Variants in DSC3 observed in about 807,000 individuals in gnomAD.
DSC3 encodes the protein desmocollin 3.
DSC3 carries 97 observed loss-of-function variants against 89.5 expected under a neutral mutation model. The observed-to-expected ratio is 1.08, with a 90% confidence interval of 0.92 to 1.28. The LOEUF is 1.28. Ranked by LOEUF, DSC3 falls within the 50% of genes most tolerant of loss-of-function variation. The pLI is 0.00. For synonymous variants in DSC3, 436 were observed against 384.1 expected, an observed-to-expected ratio of 1.14 and a Z score of -1.58; for missense variants, 1,199 against 1,085.3, an observed-to-expected ratio of 1.10 and a Z score of -1.47.
At chr18:31,027,936 G>A (rs973201088) in intron 4 of DSC3, among the ~76,000 whole-genome samples, 5 of 152,058 alleles carry the variant, frequency 3.3e-5, no homozygotes, top group Admixed American at 3.3e-4. Flanking sequence ...CAGAATGATT[G>A]AACTCTAATC....
At chr18:31,032,148 G>A (rs778559005) in intron 2 of DSC3, 44 bp downstream of exon 2, 4 of 1,392,546 alleles carry the variant, frequency 2.9e-6, no homozygotes, top group Non-Finnish European at 4.1e-6. Flanking sequence ...TCCAGCCTAT[G>A]TAAACTAAAT....
At chr18:31,027,666 C>T (rs1419889806) in intron 4 of DSC3, among the ~76,000 whole-genome samples, 1 of 152,064 alleles carries the variant, frequency 6.6e-6, no homozygotes, top group Non-Finnish European at 1.5e-5. Context: ...CCTGACTGTG[C>T]CAGTGGCACT....
intron 13 of DSC3, among the ~76,000 whole-genome samples, chr18:31,001,946 T>TTTTCA (rs1984678933): frequency 6.6e-6 from 1 of 152,134 alleles, no homozygotes; most frequent in Non-Finnish European, 1.5e-5. Flanking sequence ...ATTTTTTCAT[T>TTTTCA]ATATCTCACT....
chr18:31,039,401 T>C (rs951960735), intron 1 of DSC3, among the ~76,000 whole-genome samples: 2 of 152,180 alleles, frequency 1.3e-5, no homozygotes, highest in Non-Finnish European at 2.9e-5. Flanking sequence ...AGAAAAAGAA[T>C]GGAAATTTAT....
rs899487948 is a variant in DSC3, at chr18:30,990,569, C to G, written c.*3606G>C. The G allele has an allele frequency of 6.6e-6, 1 of 152,128 alleles. No individual in the cohort carries two copies. Among genetic ancestry groups the G allele is most frequent in the African/African-American group, 2.4e-5 (1 of 41,426 alleles). The allele number at this position is 152,128 out of a possible 1,614,324, so 9.4% of individuals were successfully genotyped here. On this transcript the variant is annotated 3_prime_UTR_variant, in exon 16 of 16. Transcript: ENST00000360428. ...CTTAACGTTTGTAGGGGAGCACACT[C>G]CTGCATGGGGAAAAGATTCACTGTG...
At chr18:30,996,168 GT>G (rs1403634065) in intron 15 of DSC3, among the ~76,000 whole-genome samples, 1 of 151,772 alleles carries the variant, frequency 6.6e-6, no homozygotes, top group African/African-American at 2.4e-5. Flanking sequence ...GGTGACTATA[GT>G]TAATAATAGT....
rs1985043524 is a variant in DSC3, at chr18:31,011,153, C to T, written c.1264-2628G>A. On this transcript the variant is annotated intron_variant, in intron 9 of 15. Coordinates refer to ENST00000360428, the MANE Select transcript of DSC3 (RefSeq NM_001941.5). ...GTTCAAATTCTGTCTACACTACATC[C>T]TAGCTGTGTGGCATTGGGAAAGTTA... Among the ~76,000 whole-genome samples, 5 of 152,150 alleles carry T rather than the reference C, an allele frequency of 3.3e-5. No homozygotes were observed. In the South Asian group the frequency reaches 1.0e-3, roughly 31 times the overall value.
At chr18:30,994,562 C>T in intron 15 of DSC3, 190 bp from the exon 16 acceptor site, 1 of 1,266,020 alleles carries the variant, frequency 7.9e-7, no homozygotes, top group African/African-American at 1.5e-5. Context: ...GTATAGTTTA[C>T]ATTTCTAGTG....
At position 31,025,909 on chromosome 18, in the gene DSC3, A is replaced by G. The variant is rs778188896; in HGVS notation, c.481T>C (p.Ser161Pro). ...PFPLFLQQVE[S>P]DAAQNYTVFY... Reference sequence around the variant, plus strand: ...ACAGTATAGTTCTGTGCTGCATCAGATTCAACCTAAAAGTAGAAAAAAAAT... The same window carrying G: ...ACAGTATAGTTCTGTGCTGCATCAGGTTCAACCTAAAAGTAGAAAAAAAAT... The change falls in exon 5 of 16, where the codon TCT (serine) becomes CCT (proline). Residue 161 changes from serine (S) to proline (P), a missense_variant. Ser to Pro is a moderately conservative substitution (Grantham distance 74). Transcript: ENST00000360428. The G allele has an allele frequency of 6.2e-7, 1 of 1,611,850 alleles. No homozygotes were observed. Among genetic ancestry groups the G allele is most frequent in the South Asian group, 1.1e-5 (1 of 90,582 alleles).
Position 31,022,345 on chromosome 18 carries a change from C to G in DSC3, c.933G>C (p.Leu311Phe). 1 of 1,613,916 alleles carries G rather than the reference C, an allele frequency of 6.2e-7. No individual in the cohort carries two copies. Among genetic ancestry groups the G allele is most frequent in the Non-Finnish European group, 8.5e-7 (1 of 1,179,924 alleles). Residue 311 changes from leucine to phenylalanine, a missense_variant, in exon 7 of 16, where the codon TTG becomes TTC. Physicochemically the swap from Leu to Phe is conservative, Grantham distance 22. Coordinates refer to ENST00000360428, the MANE Select transcript of DSC3 (RefSeq NM_001941.5). ...TGVITTVSHY[L>F]DREVVDKYSL... is the part of the protein sequence containing the mutation. ...GGAGTGTGTGAGCTACCTCTCTGTC[C>G]AAATAATGAGAGACTGTGGTGATTA...
At chr18:30,999,690 A>G (rs1984589001) in intron 14 of DSC3, among the ~76,000 whole-genome samples, 1 of 152,128 alleles carries the variant, frequency 6.6e-6, no homozygotes, top group Non-Finnish European at 1.5e-5. Flanking sequence ...ATCCATGTCA[A>G]TAATTTCTAG....
intron 15 of DSC3, among the ~76,000 whole-genome samples, chr18:30,995,201 G>A (rs1235143860): frequency 6.6e-6 from 1 of 152,082 alleles, no homozygotes; most frequent in Non-Finnish European, 1.5e-5. Context: ...TTGCCTATGT[G>A]GAGTTCATTG....
At chr18:31,027,704 T>A (rs1047688246) in intron 4 of DSC3, among the ~76,000 whole-genome samples, 1 of 152,134 alleles carries the variant, frequency 6.6e-6, no homozygotes, top group African/African-American at 2.4e-5. Context: ...GTCTTCTCTA[T>A]TATGGAGAAA....
chr18:30,992,178 G>T lies in DSC3; in HGVS notation c.*1997C>A, dbSNP rs201278538. The T allele has an allele frequency of 6.0e-5, 1 of 16,650 alleles. No individual in the cohort carries two copies. Among genetic ancestry groups the T allele is most frequent in the East Asian group, 7.4e-3 (1 of 136 alleles). The allele number at this position is 16,650 out of a possible 1,614,324, so 1.0% of individuals were successfully genotyped here. A position where few individuals can be genotyped will look rare whatever the true frequency, so the allele number is the denominator to read the frequency against. On this transcript the variant is annotated 3_prime_UTR_variant, in exon 16 of 16. Coordinates refer to ENST00000360428, the MANE Select transcript of DSC3 (RefSeq NM_001941.5). The stretch of plus-strand genomic sequence containing the variant: ...GAGACTCCGTCTCAAAAAAAAAAGG[G>T]GGGGGGGGGGGCAATAAAAAGTCTA...
intron 9 of DSC3, among the ~76,000 whole-genome samples, chr18:31,011,874 TC>T (rs1985073884): frequency 7.2e-6 from 1 of 139,478 alleles, no homozygotes; most frequent in Non-Finnish European, 1.5e-5. Context: ...GCGCCTGTAG[TC>T]CCAGCTGCTT....
intron 15 of DSC3, among the ~76,000 whole-genome samples, chr18:30,995,998 AAG>A (rs1555631945): frequency 2.1e-4 from 30 of 143,568 alleles, no homozygotes; most frequent in African/African-American, 7.9e-4. Context: ...AAAAAAAAAA[AAG>A]AAAAGAAAGA....
At chr18:31,000,836 T>C (rs1436004850) in intron 14 of DSC3, among the ~76,000 whole-genome samples, 1 of 151,922 alleles carries the variant, frequency 6.6e-6, no homozygotes, top group African/African-American at 2.4e-5. Context: ...GTATCATAGG[T>C]GTTTTTGAAC....
intron 14 of DSC3, among the ~76,000 whole-genome samples, chr18:30,997,507 T>C (rs1984518144): frequency 6.6e-6 from 1 of 152,176 alleles, no homozygotes; most frequent in Non-Finnish European, 1.5e-5. Flanking sequence ...AGAGCCCTCA[T>C]GACCTAATCA....
chr18:31,024,801 T>G (rs549498783), intron 5 of DSC3, among the ~76,000 whole-genome samples: 7 of 152,140 alleles, frequency 4.6e-5, no homozygotes, highest in Non-Finnish European at 8.8e-5. Flanking sequence ...AATCAGAAAA[T>G]TATGCTGGAG....
Sources: gnomAD v4.1 joint callset for allele counts (sites outside exome capture counted in the v4.1 genomes callset) on GRCh38, gnomAD v4.1.1 for gene constraint, MANE v1.5 for transcripts, NCBI Gene and HGNC (gene_info 2026-07-23, HGNC 2026-07-21) for gene names.